MARK3: variants seen among roughly 807,000 people sequenced by gnomAD.
MARK3 encodes microtubule affinity regulating kinase 3, also known as MAP/microtubule affinity-regulating kinase 3.
In MARK3, 46 loss-of-function variants were observed where a neutral mutation model predicts 90.1. The observed-to-expected ratio is 0.51, with a 90% CI of 0.40 to 0.65. MARK3 has a LOEUF of 0.65. Ranked by LOEUF, MARK3 falls within the 30% of genes least tolerant of loss-of-function variation. MARK3 has a pLI of 0.00. For missense variants in MARK3, 818 were observed against 947.2 expected (o/e 0.86, Z 1.79); for synonymous variants, 321 against 332.6 (o/e 0.97, Z 0.38).
At chr14:103,501,641 T>G (rs1043607716) in intron 17 of MARK3, among the ~76,000 whole-genome samples, 21 of 151,784 alleles carry the variant, frequency 1.4e-4, no homozygotes, top group Admixed American at 9.9e-4. Flanking sequence ...TGCTGTTTCC[T>G]CCTTGTCTCA....
At chr14:103,420,726 A>G (rs1193563092) in intron 2 of MARK3, among the ~76,000 whole-genome samples, 1 of 152,058 alleles carries the variant, frequency 6.6e-6, no homozygotes, top group African/African-American at 2.4e-5. Flanking sequence ...TGTTCGAAAA[A>G]ATTTATTTGT....
intron 2 of MARK3, among the ~76,000 whole-genome samples, chr14:103,409,361 G>A (rs1171649132): frequency 6.7e-6 from 1 of 148,612 alleles, no homozygotes; most frequent in East Asian, 2.0e-4. Context: ...GGGTCGATGG[G>A]CGCAGCAAAC....
At chr14:103,498,720 T>C in intron 16 of MARK3, 192 bp downstream of exon 16, 1 of 396,854 alleles carries the variant, frequency 2.5e-6, no homozygotes, top group Non-Finnish European at 4.1e-6. Context: ...TTAAAGGGAC[T>C]ATGGTACCCA....
intron 2 of MARK3, among the ~76,000 whole-genome samples, chr14:103,425,331 C>T (rs993182187): frequency 5.3e-5 from 8 of 152,062 alleles, no homozygotes; most frequent in Non-Finnish European, 8.8e-5. Context: ...ACCATCTTGG[C>T]TCACTATAAC....
intron 2 of MARK3, among the ~76,000 whole-genome samples, chr14:103,423,716 A>G (rs1347037365): frequency 6.6e-6 from 1 of 152,260 alleles, no homozygotes; most frequent in East Asian, 1.9e-4. Context: ...GGAAGAGGGG[A>G]TTAGGAACTC....
chr14:103,466,560 A>C, intron 10 of MARK3, 118 bp downstream of exon 10: 2 of 645,884 alleles, frequency 3.1e-6, no homozygotes, highest in Non-Finnish European at 5.4e-6. Flanking sequence ...TCATATGAAC[A>C]GTTTATCTGT....
At chr14:103,458,058 G>T (rs890974691) in intron 6 of MARK3, among the ~76,000 whole-genome samples, 1 of 152,176 alleles carries the variant, frequency 6.6e-6, no homozygotes, top group Non-Finnish European at 1.5e-5. Flanking sequence ...CTATTATTTA[G>T]ACTGGGAATC....
chr14:103,447,046 G>GCT (rs2093015094), intron 3 of MARK3, among the ~76,000 whole-genome samples: 1 of 152,142 alleles, frequency 6.6e-6, no homozygotes, highest in Non-Finnish European at 1.5e-5. Context: ...AGATAAAAAT[G>GCT]CTCCTCCCTT....
intron 2 of MARK3, among the ~76,000 whole-genome samples, chr14:103,427,175 T>TC (rs1037634924): frequency 9.9e-5 from 15 of 151,662 alleles, no homozygotes; most frequent in Non-Finnish European, 1.5e-4. Context: ...TTTTTTTTTT[T>TC]TCTTTTAAGT....
At position 103,460,248 on chromosome 14, in the gene MARK3, G is replaced by A. The variant is rs554819971; in HGVS notation, c.484-2157G>A. Among the ~76,000 whole-genome samples, 6 of 151,702 alleles carry A rather than the reference G, an allele frequency of 4.0e-5. No homozygotes were observed. In the East Asian group the frequency reaches 9.7e-4, roughly 25 times the overall value. On this transcript the variant is annotated intron_variant, in intron 6 of 17. Transcript: ENST00000429436. Reference sequence around the variant, plus strand: ...ATACAGATGCCTGCCACTACGCCCGGCTAATTTTTTGTATATTTAGTAGAG... The same window carrying A: ...ATACAGATGCCTGCCACTACGCCCGACTAATTTTTTGTATATTTAGTAGAG...
At chr14:103,481,801 C>G (rs1487189467) in intron 14 of MARK3, among the ~76,000 whole-genome samples, 11 of 97,190 alleles carry the variant, frequency 1.1e-4, no homozygotes, top group African/African-American at 4.7e-4. Flanking sequence ...GAGTCTCACT[C>G]TGTCACCCAG....
chr14:103,430,485 T>A (rs1450519178), intron 3 of MARK3, among the ~76,000 whole-genome samples: 1 of 151,666 alleles, frequency 6.6e-6, no homozygotes, highest in Non-Finnish European at 1.5e-5. Flanking sequence ...CCATTCATAG[T>A]TGTATCACAC....
chr14:103,421,947 A>C (rs1595588596), intron 2 of MARK3, among the ~76,000 whole-genome samples: 1 of 152,176 alleles, frequency 6.6e-6, no homozygotes, highest in African/African-American at 2.4e-5. Context: ...AAGAGTCAAG[A>C]CTTGTTAAAA....
intron 17 of MARK3, among the ~76,000 whole-genome samples, chr14:103,501,758 T>C (rs1165308055): frequency 6.6e-6 from 1 of 152,200 alleles, no homozygotes; most frequent in Non-Finnish European, 1.5e-5. Context: ...CTTACAGTCT[T>C]CCTGGCTCCA....
chr14:103,467,004 CAAAAA>C (rs11320440), intron 10 of MARK3, 70 bp from the exon 11 acceptor site: 1,335 of 422,394 alleles, frequency 3.2e-3, no homozygotes, highest in East Asian at 5.4e-3. Context: ...AACTCCGTCT[CAAAAA>C]AAAAAAAAAA....
chr14:103,442,706 C>T (rs1198506853), intron 3 of MARK3, among the ~76,000 whole-genome samples: 2 of 152,036 alleles, frequency 1.3e-5, no homozygotes, highest in Non-Finnish European at 2.9e-5. Flanking sequence ...TGATAATAAG[C>T]TGTGTGTCAG....
chr14:103,436,108 C>G (rs1253200791), intron 3 of MARK3, among the ~76,000 whole-genome samples: 1 of 152,174 alleles, frequency 6.6e-6, no homozygotes, highest in African/African-American at 2.4e-5. Flanking sequence ...CCAGGCTGGT[C>G]TCGAACTCCT....
At chr14:103,445,642 A>G (rs574580205) in intron 3 of MARK3, among the ~76,000 whole-genome samples, 1 of 152,264 alleles carries the variant, frequency 6.6e-6, no homozygotes, top group African/African-American at 2.4e-5. Context: ...TCGCATTTTA[A>G]TATGGTGTCT....
intron 12 of MARK3, among the ~76,000 whole-genome samples, chr14:103,473,006 C>CG (rs1024026063): frequency 2.4e-5 from 3 of 123,064 alleles, no homozygotes; most frequent in Admixed American, 8.7e-5. Flanking sequence ...GACTCCGTCT[C>CG]GAAAAAAAAA....
Sources: gnomAD v4.1 joint callset for allele counts (sites outside exome capture counted in the v4.1 genomes callset) on GRCh38, gnomAD v4.1.1 for gene constraint, MANE v1.5 for transcripts, NCBI Gene and HGNC (gene_info 2026-07-23, HGNC 2026-07-21) for gene names.